Variants in ADAMTS3 observed in about 807,000 individuals in gnomAD.
The protein encoded by ADAMTS3 is ADAM metallopeptidase with thrombospondin type 1 motif 3.
In ADAMTS3, 73 loss-of-function variants were observed where a neutral mutation model predicts 129.0. The ratio of observed to expected loss-of-function variants is 0.57; its 90% CI spans 0.47 to 0.69. The LOEUF is 0.69. Among genes scored for constraint, ADAMTS3 ranks in the 30% least tolerant of loss-of-function variants. The probability of loss-of-function intolerance (pLI) is 0.00; values close to 1 mark genes in which losing one functional copy is unlikely to be tolerated. For missense variants in ADAMTS3, 1,457 were observed against 1,514.5 expected (o/e 0.96, Z 0.63); for synonymous variants, 477 against 510.8 (o/e 0.93, Z 0.89).
At chr4:72,354,070 G>A (rs1372099898) in intron 4 of ADAMTS3, among the ~76,000 whole-genome samples, 1 of 151,988 alleles carries the variant, frequency 6.6e-6, no homozygotes, top group Non-Finnish European at 1.5e-5. Context: ...GATAAGACGG[G>A]ATAAGAGTTC....
At chr4:72,483,089 T>C (rs1285476000) in intron 3 of ADAMTS3, among the ~76,000 whole-genome samples, 2 of 152,178 alleles carry the variant, frequency 1.3e-5, no homozygotes. Context: ...AAGATTAGGA[T>C]TAAGACAGAG....
chr4:72,371,697 A>T (rs546805726), intron 4 of ADAMTS3, among the ~76,000 whole-genome samples: 2 of 152,230 alleles, frequency 1.3e-5, no homozygotes, highest in South Asian at 4.1e-4. Flanking sequence ...ATAGTTGAAG[A>T]TTTCAGCACA....
At chr4:72,394,633 C>T (rs1396394193) in intron 4 of ADAMTS3, among the ~76,000 whole-genome samples, 4 of 152,118 alleles carry the variant, frequency 2.6e-5, no homozygotes, top group African/African-American at 7.2e-5. Context: ...AGTATTCTAC[C>T]GATTGAGGGG....
At chr4:72,447,274 CA>C (rs1718279939) in intron 3 of ADAMTS3, among the ~76,000 whole-genome samples, 1 of 151,674 alleles carries the variant, frequency 6.6e-6, no homozygotes, top group Non-Finnish European at 1.5e-5. Context: ...GCAAAAGGAG[CA>C]ATTAAAGAAG....
chr4:72,325,510 A>G (rs1344012939), intron 5 of ADAMTS3, among the ~76,000 whole-genome samples: 1 of 152,216 alleles, frequency 6.6e-6, no homozygotes, highest in African/African-American at 2.4e-5. Context: ...CAGCTGTTTC[A>G]AATTAGAAAC....
At chr4:72,382,942 G>A (rs538155858) in intron 4 of ADAMTS3, among the ~76,000 whole-genome samples, 1 of 152,238 alleles carries the variant, frequency 6.6e-6, no homozygotes, top group East Asian at 1.9e-4. Context: ...CTATTGGAGT[G>A]ATGAGTTCAC....
At chr4:72,559,789 T>G (rs1464428140) in intron 2 of ADAMTS3, among the ~76,000 whole-genome samples, 1 of 151,868 alleles carries the variant, frequency 6.6e-6, no homozygotes, top group Non-Finnish European at 1.5e-5. Flanking sequence ...ATGGATTCAA[T>G]GCTATTCCCA....
At chr4:72,436,090 T>C (rs1717905991) in intron 3 of ADAMTS3, among the ~76,000 whole-genome samples, 1 of 151,986 alleles carries the variant, frequency 6.6e-6, no homozygotes, top group Admixed American at 6.6e-5. Context: ...GAGAAAATTT[T>C]TGCAATCTAC....
In ADAMTS3 at chr4:72,283,004, C is replaced by T. The variant is rs982231628; in HGVS notation, c.*132G>A. ...CAACTAGAAAGTGAGCCAGCACTTT[C>T]TGTTCTTCCAATTACAGATAAAATG... is the stretch of plus-strand genomic sequence containing the variant. On this transcript the variant is annotated 3_prime_UTR_variant, in exon 22 of 22. Transcript: ENST00000286657. 2.7e-6 allele frequency: 2 copies of T among 751,456 alleles called. No homozygotes were observed. Among genetic ancestry groups the T allele is most frequent in the African/African-American group, 1.8e-5 (1 of 56,718 alleles). The allele number at this position is 751,456 out of a possible 1,614,324, so 46.5% of individuals were successfully genotyped here. A position where few individuals can be genotyped will look rare whatever the true frequency, so the allele number is the denominator to read the frequency against.
chr4:72,446,567 A>G (rs1212936260), intron 3 of ADAMTS3, among the ~76,000 whole-genome samples: 1 of 151,656 alleles, frequency 6.6e-6, no homozygotes, highest in East Asian at 2.0e-4. Flanking sequence ...AAAACCAATA[A>G]AAAACGGAGG....
intron 4 of ADAMTS3, among the ~76,000 whole-genome samples, chr4:72,341,131 T>C (rs1389826421): frequency 6.6e-6 from 1 of 152,140 alleles, no homozygotes; most frequent in South Asian, 2.1e-4. Context: ...GCTGGGAAGG[T>C]TGATGACCAA....
At chr4:72,461,419 C>T (rs1718768587) in intron 3 of ADAMTS3, among the ~76,000 whole-genome samples, 1 of 151,686 alleles carries the variant, frequency 6.6e-6, no homozygotes, top group African/African-American at 2.4e-5. Flanking sequence ...CCTCCTTAAA[C>T]ATTTTTTTCT....
In ADAMTS3 at chr4:72,281,300, A is replaced by G. The variant is rs2109757782; in HGVS notation, c.*1836T>C. The G allele has an allele frequency of 6.5e-6, 1 of 152,728 alleles. No individual in the cohort carries two copies. The highest frequency in any genetic ancestry group is 1.9e-4 in the East Asian group (1 of 5,166). 9.5% of individuals were successfully genotyped at this position (152,728 alleles called of 1,614,324 possible). A position where few individuals can be genotyped will look rare whatever the true frequency, so the allele number is the denominator to read the frequency against. ...CAAAGTTCTTGCACAAAGTAGCAGC[A>G]ATTCTTTAGAGGTATAGAGTCAATA... On this transcript the variant is annotated 3_prime_UTR_variant, in exon 22 of 22. Coordinates refer to ENST00000286657, the MANE Select transcript of ADAMTS3 (RefSeq NM_014243.3).
intron 3 of ADAMTS3, among the ~76,000 whole-genome samples, chr4:72,537,788 AC>A (rs1261826944): frequency 2.0e-5 from 3 of 152,216 alleles, no homozygotes; most frequent in Non-Finnish European, 4.4e-5. Flanking sequence ...AACAATAGAT[AC>A]GGTTCCTAAA....
chr4:72,383,421 G>T (rs1267420490), intron 4 of ADAMTS3, among the ~76,000 whole-genome samples: 1 of 152,170 alleles, frequency 6.6e-6, no homozygotes, highest in Non-Finnish European at 1.5e-5. Flanking sequence ...TGAGAACCAG[G>T]ATTTTACTGG....
At chr4:72,304,146 C>T in intron 16 of ADAMTS3, 66 bp from the exon 17 acceptor site, 1 of 1,461,418 alleles carries the variant, frequency 6.8e-7, no homozygotes, top group Non-Finnish European at 9.5e-7. Flanking sequence ...TGAAGATTCA[C>T]AGCAAGTATA....
intron 21 of ADAMTS3, among the ~76,000 whole-genome samples, chr4:72,285,973 A>G (rs1718495341): frequency 6.6e-6 from 1 of 152,180 alleles, no homozygotes; most frequent in African/African-American, 2.4e-5. Context: ...GATAGAAAGT[A>G]TTACTTATTT....
At chr4:72,470,750 G>T (rs1178224646) in intron 3 of ADAMTS3, among the ~76,000 whole-genome samples, 1 of 152,036 alleles carries the variant, frequency 6.6e-6, no homozygotes, top group East Asian at 1.9e-4. Context: ...CAAGGCAGTG[G>T]CACTCAACTG....
intron 4 of ADAMTS3, among the ~76,000 whole-genome samples, chr4:72,375,038 C>T (rs1721103359): frequency 6.6e-6 from 1 of 152,130 alleles, no homozygotes; most frequent in Admixed American, 6.6e-5. Context: ...TAGCTGCTAG[C>T]CTTGAAATAT....
Sources: allele counts gnomAD v4.1 joint callset (sites outside exome capture counted in the v4.1 genomes callset), GRCh38; gene constraint gnomAD v4.1.1; transcripts MANE v1.5; gene names NCBI Gene and HGNC (gene_info 2026-07-23, HGNC 2026-07-21).